PTPRK: variants seen among roughly 807,000 people sequenced by gnomAD.
The protein encoded by PTPRK is protein tyrosine phosphatase receptor type K.
Under a neutral mutation model 178.0 loss-of-function variants are expected in PTPRK, and 75 were observed. The observed-to-expected ratio is 0.42, with a 90% CI of 0.35 to 0.51. The LOEUF (loss-of-function observed/expected upper bound fraction) is 0.51, where lower values mean the gene tolerates loss of function less well. PTPRK is among the 20% of genes least tolerant of loss of function. PTPRK has a pLI of 0.02. For synonymous variants in PTPRK, 637 were observed against 620.6 expected (o/e 1.03, Z -0.39); for missense variants, 1,441 against 1,797.8 (o/e 0.80, Z 3.59).
intron 13 of PTPRK, among the ~76,000 whole-genome samples, chr6:128,047,153 A>G (rs1778171088): frequency 6.6e-6 from 1 of 152,168 alleles, no homozygotes; most frequent in Non-Finnish European, 1.5e-5. Flanking sequence ...ATGCATTTGG[A>G]TTTTGGATAA....
chr6:128,170,389 T>A (rs1205573717), intron 7 of PTPRK, among the ~76,000 whole-genome samples: 1 of 152,046 alleles, frequency 6.6e-6, no homozygotes, highest in Non-Finnish European at 1.5e-5. Flanking sequence ...TAGGAGACAA[T>A]GATTAAAACA....
chr6:128,461,745 C>A lies in PTPRK; in HGVS notation c.100+58514G>T, dbSNP rs541445798. Among the ~76,000 whole-genome samples the A allele has an allele frequency of 2.6e-5, 4 of 152,292 alleles. 1 individual carries two copies. The South Asian group carries it at 6.2e-4, about 24-fold the overall frequency. ...CTAAAAGAAACCTAGTGCCTACTAGCAGTCATTCCTCACTTCCTCCTCCCT... is the reference window on the plus strand; with the variant it reads ...CTAAAAGAAACCTAGTGCCTACTAGAAGTCATTCCTCACTTCCTCCTCCCT... On this transcript the variant is annotated intron_variant, in intron 1 of 29. Transcript: ENST00000368226.
chr6:128,489,000 A>G (rs973536092), intron 1 of PTPRK, among the ~76,000 whole-genome samples: 14 of 152,090 alleles, frequency 9.2e-5, no homozygotes, highest in Non-Finnish European at 8.8e-5. Context: ...ACTCTACCAT[A>G]TATTAAAATA....
intron 1 of PTPRK, among the ~76,000 whole-genome samples, chr6:128,453,744 A>G (rs1392218945): frequency 6.6e-6 from 1 of 152,156 alleles, no homozygotes; most frequent in African/African-American, 2.4e-5. Context: ...GGAATTTGGG[A>G]TGTATCCAAG....
At chr6:128,499,739 C>T (rs951026160) in intron 1 of PTPRK, among the ~76,000 whole-genome samples, 2 of 152,192 alleles carry the variant, frequency 1.3e-5, no homozygotes, top group African/African-American at 2.4e-5. Context: ...TATAAGGATA[C>T]ATAAATCTAT....
In PTPRK at chr6:128,509,605, T is replaced by C. The variant is rs1289581406; in HGVS notation, c.100+10654A>G. Among the ~76,000 whole-genome samples the C allele has an allele frequency of 2.0e-5, 3 of 152,154 alleles. No individual in the cohort carries two copies. In the East Asian group the frequency reaches 5.8e-4, roughly 29 times the overall value. ...TTACAAATATAAAACTACTTTCACA[T>C]ATATTATTCATTTCACCTTAAAAGT... is the stretch of plus-strand genomic sequence containing the variant. On this transcript the variant is annotated intron_variant, in intron 1 of 29. Coordinates refer to ENST00000368226, the MANE Select transcript of PTPRK (RefSeq NM_002844.4).
At chr6:128,469,115 A>G (rs540238108) in intron 1 of PTPRK, among the ~76,000 whole-genome samples, 1 of 152,288 alleles carries the variant, frequency 6.6e-6, no homozygotes, top group South Asian at 2.1e-4. Flanking sequence ...AGATGAGCAA[A>G]AACAAACCAG....
chr6:128,076,948 A>G (rs1783928615), intron 11 of PTPRK, among the ~76,000 whole-genome samples: 1 of 152,046 alleles, frequency 6.6e-6, no homozygotes, highest in African/African-American at 2.4e-5. Flanking sequence ...TGGCATAATA[A>G]ATGATCAATC....
At chr6:128,505,107 GT>G (rs34899985) in intron 1 of PTPRK, among the ~76,000 whole-genome samples, 3,967 of 135,330 alleles carry the variant, frequency 0.029, 62 homozygotes, top group African/African-American at 0.053. Context: ...AAATTTACTT[GT>G]TTTTTTTTTT....
rs372711593 is a variant in PTPRK at position 128,419,295 on chromosome 6, C to T, written c.101-21607G>A. On this transcript the variant is annotated intron_variant, in intron 1 of 29. Coordinates refer to ENST00000368226, the MANE Select transcript of PTPRK (RefSeq NM_002844.4). ...GGGTAAGTGTGGCCTTGAGCTGCCTCTTTTAAATATTAGAAAGTGAAAAGA... is the reference window on the plus strand; with the variant it reads ...GGGTAAGTGTGGCCTTGAGCTGCCTTTTTTAAATATTAGAAAGTGAAAAGA... Among the ~76,000 whole-genome samples the T allele has an allele frequency of 2.4e-4, 36 of 152,276 alleles. 1 individual carries two copies. The highest frequency in any genetic ancestry group is 8.4e-4 in the African/African-American group (35 of 41,554).
intron 17 of PTPRK, 56 bp downstream of exon 17, chr6:127,996,845 T>G: frequency 6.4e-7 from 1 of 1,552,162 alleles, no homozygotes; most frequent in African/African-American, 1.4e-5. Flanking sequence ...TCTTAAAGTT[T>G]AAAACCATAT....
chr6:128,507,137 C>T (rs990127015), intron 1 of PTPRK, among the ~76,000 whole-genome samples: 19 of 152,174 alleles, frequency 1.2e-4, no homozygotes, highest in South Asian at 8.3e-4. Flanking sequence ...TTCCAATGTC[C>T]GCACTCTTAA....
chr6:128,179,694 G>T (rs1295787407), intron 7 of PTPRK, among the ~76,000 whole-genome samples: 1 of 151,972 alleles, frequency 6.6e-6, no homozygotes, highest in African/African-American at 2.4e-5. Context: ...CCTCTAGGCT[G>T]AGTGTTAGCG....
At chr6:128,025,456 T>C (rs187594763) in intron 13 of PTPRK, among the ~76,000 whole-genome samples, 51 of 152,324 alleles carry the variant, frequency 3.3e-4, no homozygotes, top group African/African-American at 9.6e-4. Flanking sequence ...AAAACCCTGG[T>C]TCTATCTAGC....
At chr6:128,224,429 T>C (rs1190884879) in intron 5 of PTPRK, among the ~76,000 whole-genome samples, 1 of 152,164 alleles carries the variant, frequency 6.6e-6, no homozygotes, top group East Asian at 1.9e-4. Flanking sequence ...TGGAATATAG[T>C]GGTAATAAAG....
chr6:128,425,064 T>C (rs1843952421), intron 1 of PTPRK, among the ~76,000 whole-genome samples: 1 of 151,420 alleles, frequency 6.6e-6, no homozygotes. Flanking sequence ...GTGTACACTG[T>C]ACCCAATGTG....
At chr6:128,330,236 G>T (rs72972082) in intron 2 of PTPRK, among the ~76,000 whole-genome samples, 12,154 of 152,196 alleles carry the variant, frequency 0.08, 572 homozygotes, top group African/African-American at 0.12. Flanking sequence ...TCAGCCCATC[G>T]GGGATATTTT....
intron 3 of PTPRK, among the ~76,000 whole-genome samples, chr6:128,255,659 A>G (rs894198808): frequency 1.3e-5 from 2 of 152,248 alleles, no homozygotes; most frequent in Non-Finnish European, 2.9e-5. Context: ...AGGCTGAAAA[A>G]TACTGGTAAG....
intron 13 of PTPRK, among the ~76,000 whole-genome samples, chr6:128,043,764 T>C (rs987563021): frequency 6.6e-6 from 1 of 151,532 alleles, no homozygotes; most frequent in African/African-American, 2.4e-5. Flanking sequence ...GTAACTAACA[T>C]TGCAATTTCA....
Sources: allele counts gnomAD v4.1 joint callset (sites outside exome capture counted in the v4.1 genomes callset), GRCh38; gene constraint gnomAD v4.1.1; transcripts MANE v1.5; gene names NCBI Gene and HGNC (gene_info 2026-07-23, HGNC 2026-07-21).